The following PCCA variants were observed in gnomAD, a reference collection of about 807,000 sequenced individuals.
The protein encoded by PCCA is propionyl-CoA carboxylase alpha chain, mitochondrial.
In PCCA, 74 loss-of-function variants were observed where a neutral mutation model predicts 101.3. That is an observed-to-expected ratio of 0.73 (90% CI 0.61 to 0.89). PCCA has a LOEUF of 0.89. PCCA is among the 40% of genes least tolerant of loss of function. PCCA has a pLI of 0.00. For missense variants in PCCA, 891 were observed against 907.0 expected (o/e 0.98, Z 0.23); for synonymous variants, 294 against 313.6 (o/e 0.94, Z 0.66).
At chr13:100,389,052 C>T (rs2076668251) in intron 19 of PCCA, among the ~76,000 whole-genome samples, 1 of 152,186 alleles carries the variant, frequency 6.6e-6, no homozygotes, top group Non-Finnish European at 1.5e-5. Flanking sequence ...AGAGATGATA[C>T]ATCTGACTTC....
intron 1 of PCCA, among the ~76,000 whole-genome samples, chr13:100,096,246 T>A (rs1328288883): frequency 1.3e-5 from 2 of 152,224 alleles, no homozygotes; most frequent in East Asian, 3.8e-4. Flanking sequence ...TTGGTGTCTC[T>A]GTGAAACATT....
chr13:100,473,052 AG>A (rs1473903513), intron 21 of PCCA: 1 of 152,168 alleles, frequency 6.6e-6, no homozygotes, highest in Non-Finnish European at 1.5e-5. Context: ...TCTGCCCTCC[AG>A]AATATTGACT....
At chr13:100,460,047 G>A (rs1371201239) in intron 21 of PCCA, among the ~76,000 whole-genome samples, 1 of 152,212 alleles carries the variant, frequency 6.6e-6, no homozygotes, top group Non-Finnish European at 1.5e-5. Flanking sequence ...GAATTTGGAC[G>A]TTCAGTCCCT....
chr13:100,253,387 G>C (rs1446082563), intron 8 of PCCA, among the ~76,000 whole-genome samples: 1 of 152,202 alleles, frequency 6.6e-6, no homozygotes, highest in African/African-American at 2.4e-5. Context: ...CAGAGAGCCA[G>C]ATAAGGCTTA....
intron 12 of PCCA, 31 bp downstream of exon 12, chr13:100,273,377 T>C: frequency 6.4e-7 from 1 of 1,571,716 alleles, no homozygotes; most frequent in Non-Finnish European, 8.8e-7. Flanking sequence ...TTCCTCTCCA[T>C]GCCTCTGTAC....
chr13:100,518,398 G>A (rs1162580332), intron 22 of PCCA, among the ~76,000 whole-genome samples: 1 of 152,192 alleles, frequency 6.6e-6, no homozygotes, highest in Non-Finnish European at 1.5e-5. Context: ...TCCGCTCGGG[G>A]CGCTTGGTGT....
chr13:100,319,623 T>C lies in PCCA; in HGVS notation c.1429+9715T>C, dbSNP rs377067603. Among the ~76,000 whole-genome samples the C allele has an allele frequency of 9.8e-4, 150 of 152,302 alleles. 4 individuals carry two copies. In the South Asian group the frequency reaches 0.028, roughly 29 times the overall value. On this transcript the variant is annotated intron_variant, in intron 16 of 23. Coordinates refer to ENST00000376285, the MANE Select transcript of PCCA (RefSeq NM_000282.4). ...TTCCCCATTTCTTGTTTTTGTCAGG[T>C]TTGTCAAAGATCAGATAGTTGTAGA...
At chr13:100,464,267 A>G (rs2082358776) in intron 21 of PCCA, among the ~76,000 whole-genome samples, 2 of 152,192 alleles carry the variant, frequency 1.3e-5, no homozygotes, top group Non-Finnish European at 2.9e-5. Context: ...GTCTTCCTGC[A>G]TTTGAATCGC....
chr13:100,143,360 G>A (rs1251095323), intron 4 of PCCA, among the ~76,000 whole-genome samples: 5 of 151,250 alleles, frequency 3.3e-5, no homozygotes, highest in African/African-American at 7.3e-5. Context: ...GTGAAACCCC[G>A]TCTCTACTAA....
At chr13:100,145,095 T>C (rs552750780) in intron 4 of PCCA, among the ~76,000 whole-genome samples, 58 of 152,332 alleles carry the variant, frequency 3.8e-4, no homozygotes, top group African/African-American at 1.3e-3. Context: ...GATCTCTGTA[T>C]ATCAACAGAG....
intron 21 of PCCA, among the ~76,000 whole-genome samples, chr13:100,504,082 C>G (rs183103130): frequency 6.6e-6 from 1 of 152,298 alleles, no homozygotes; most frequent in African/African-American, 2.4e-5. Context: ...TTACACACCT[C>G]TTTACCATTG....
intron 1 of PCCA, 151 bp downstream of exon 1, chr13:100,089,376 C>G: frequency 8.9e-7 from 1 of 1,118,844 alleles, no homozygotes; most frequent in Non-Finnish European, 1.2e-6. Flanking sequence ...TTCCTCCCTC[C>G]CGGAGTTCGC....
intron 6 of PCCA, among the ~76,000 whole-genome samples, chr13:100,196,812 A>T (rs977466313): frequency 6.6e-6 from 1 of 152,184 alleles, no homozygotes; most frequent in Non-Finnish European, 1.5e-5. Flanking sequence ...CCCTTCCACT[A>T]CCCATCTCCC....
At chr13:100,402,093 T>C (rs2152856097) in intron 19 of PCCA, among the ~76,000 whole-genome samples, 1 of 152,296 alleles carries the variant, frequency 6.6e-6, no homozygotes, top group South Asian at 2.1e-4. Flanking sequence ...TAGAGTCCTT[T>C]ATATAGCTGG....
intron 6 of PCCA, among the ~76,000 whole-genome samples, chr13:100,166,391 T>C (rs1357528912): frequency 6.6e-6 from 1 of 152,204 alleles, no homozygotes; most frequent in East Asian, 1.9e-4. Context: ...TTCCGCCTCC[T>C]GGGCTCAAGT....
chr13:100,417,001 G>C (rs141219607), intron 19 of PCCA, among the ~76,000 whole-genome samples: 2,059 of 151,420 alleles, frequency 0.014, 63 homozygotes, highest in African/African-American at 0.046. Flanking sequence ...GTGCCACCAC[G>C]CCTGGCTAAT....
chr13:100,473,030 C>G (rs2083139065), intron 21 of PCCA: 1 of 152,026 alleles, frequency 6.6e-6, no homozygotes, highest in African/African-American at 2.4e-5. Flanking sequence ...TTCCAGTGAC[C>G]AAATCTTTAA....
intron 12 of PCCA, among the ~76,000 whole-genome samples, chr13:100,274,075 C>G (rs1027404184): frequency 1.3e-5 from 2 of 152,198 alleles, no homozygotes; most frequent in African/African-American, 2.4e-5. Context: ...TCTTTTTACA[C>G]TAGCCTCATT....
chr13:100,487,751 G>T (rs927065926), intron 21 of PCCA, among the ~76,000 whole-genome samples: 1 of 152,074 alleles, frequency 6.6e-6, no homozygotes. Flanking sequence ...TTGAGACAGG[G>T]TCTCCCTCTG....
Sources: gnomAD v4.1 joint callset for allele counts (sites outside exome capture counted in the v4.1 genomes callset) on GRCh38, gnomAD v4.1.1 for gene constraint, MANE v1.5 for transcripts, NCBI Gene and HGNC (gene_info 2026-07-23, HGNC 2026-07-21) for gene names.